Variants in AGBL1 observed in about 807,000 individuals in gnomAD.
AGBL1 encodes the protein cytosolic carboxypeptidase 4.
In AGBL1, 130 loss-of-function variants were observed where a neutral mutation model predicts 118.9. The ratio of observed to expected loss-of-function variants is 1.09; its 90% CI spans 0.95 to 1.26. AGBL1 has a LOEUF of 1.26. Among genes scored for constraint, AGBL1 ranks in the 50% most tolerant of loss-of-function variants. The probability of loss-of-function intolerance (pLI) is 0.00; values close to 1 mark genes in which losing one functional copy is unlikely to be tolerated. For missense variants in AGBL1, 1,584 were observed against 1,298.1 expected, an observed-to-expected ratio of 1.22 and a Z score of -3.38; for synonymous variants, 555 against 478.9, an observed-to-expected ratio of 1.16 and a Z score of -2.08.
At chr15:86,572,992 G>A (rs2084032765) in intron 21 of AGBL1, among the ~76,000 whole-genome samples, 1 of 152,188 alleles carries the variant, frequency 6.6e-6, no homozygotes, top group Non-Finnish European at 1.5e-5. Flanking sequence ...CTGTTTATAT[G>A]CTTGTGTTCC....
chr15:86,226,191 A>G (rs1293537573), intron 6 of AGBL1, among the ~76,000 whole-genome samples: 1 of 152,110 alleles, frequency 6.6e-6, no homozygotes, highest in Non-Finnish European at 1.5e-5. Context: ...TGGGGAGAGG[A>G]CCATTCATTC....
At chr15:86,734,364 T>C (rs1320022147) in intron 22 of AGBL1, among the ~76,000 whole-genome samples, 1 of 152,092 alleles carries the variant, frequency 6.6e-6, no homozygotes, top group Non-Finnish European at 1.5e-5. Flanking sequence ...GGAAGAAGTA[T>C]GGCATGACAG....
At chr15:86,539,335 C>G (rs1269691785) in intron 19 of AGBL1, among the ~76,000 whole-genome samples, 2 of 152,182 alleles carry the variant, frequency 1.3e-5, no homozygotes, top group Non-Finnish European at 2.9e-5. Context: ...TCCATTGTCT[C>G]TAACTCCTGT....
intron 22 of AGBL1, among the ~76,000 whole-genome samples, chr15:86,817,522 TACACACAC>T (rs145360496): frequency 1.1e-5 from 1 of 93,760 alleles, no homozygotes; most frequent in East Asian, 2.7e-4. Flanking sequence ...GAGACAGGCA[TACACACAC>T]ACACACACAC....
intron 22 of AGBL1, among the ~76,000 whole-genome samples, chr15:86,685,055 T>A (rs1185863121): frequency 6.6e-6 from 1 of 152,120 alleles, no homozygotes; most frequent in Non-Finnish European, 1.5e-5. Flanking sequence ...CAAAGAGGTA[T>A]GTTTAGAAGT....
intron 18 of AGBL1, among the ~76,000 whole-genome samples, chr15:86,438,114 G>A (rs183341880): frequency 2.6e-5 from 4 of 152,066 alleles, no homozygotes; most frequent in Admixed American, 6.5e-5. Flanking sequence ...CACCATGTTC[G>A]TCAGGTTGGT....
chr15:86,426,767 A>G (rs1276180162), intron 18 of AGBL1, among the ~76,000 whole-genome samples: 1 of 152,076 alleles, frequency 6.6e-6, no homozygotes, highest in Non-Finnish European at 1.5e-5. Flanking sequence ...TGTGTTTTGC[A>G]TTTTATTTAT....
chr15:86,622,870 C>T (rs1347278986), intron 21 of AGBL1, among the ~76,000 whole-genome samples: 1 of 152,136 alleles, frequency 6.6e-6, no homozygotes, highest in Non-Finnish European at 1.5e-5. Flanking sequence ...AGTGGGAGCC[C>T]TGAACTCATT....
chr15:87,007,879 C>A (rs1331988211), intron 24 of AGBL1, among the ~76,000 whole-genome samples: 1 of 152,202 alleles, frequency 6.6e-6, no homozygotes, highest in East Asian at 1.9e-4. Context: ...TTCCTTGTAA[C>A]AACCTGCCAT....
At chr15:86,561,327 T>C (rs2083816970) in intron 21 of AGBL1, among the ~76,000 whole-genome samples, 1 of 152,230 alleles carries the variant, frequency 6.6e-6, no homozygotes, top group Non-Finnish European at 1.5e-5. Context: ...CTTGAATGAA[T>C]TTTTATATAA....
At chr15:86,134,458 C>T (rs2076858408) in intron 1 of AGBL1, among the ~76,000 whole-genome samples, 1 of 152,068 alleles carries the variant, frequency 6.6e-6, no homozygotes, top group Non-Finnish European at 1.5e-5. Context: ...TCTGTGAGAT[C>T]AGGGGCACTA....
rs2084704949 is a variant in AGBL1, at chr15:86,615,229, G to A, written c.2995-59044G>A. On this transcript the variant is annotated intron_variant, in intron 21 of 22. Transcript: ENST00000614907. The surrounding 1 kb of genome is among the most constrained non-coding windows in gnomAD (Gnocchi z 4.3). ...AATGCGGGAGATTAATTCTAGCATT[G>A]GAAGTAGAGTAGAGGGCCAGGGAGA... is the stretch of plus-strand genomic sequence containing the variant. Among the ~76,000 whole-genome samples the A allele has an allele frequency of 6.6e-6, 1 of 152,136 alleles. No individual in the cohort carries two copies. The highest frequency in any genetic ancestry group is 2.4e-5 in the African/African-American group (1 of 41,430).
intron 21 of AGBL1, among the ~76,000 whole-genome samples, chr15:86,653,782 C>T (rs1272864464): frequency 6.6e-6 from 1 of 152,112 alleles, no homozygotes; most frequent in Non-Finnish European, 1.5e-5. Context: ...TGCTCAATAG[C>T]TGCAGAGAAA....
At chr15:86,286,783 T>C (rs1300014634) in intron 16 of AGBL1, among the ~76,000 whole-genome samples, 1 of 128,366 alleles carries the variant, frequency 7.8e-6, no homozygotes, top group Admixed American at 8.0e-5. Context: ...GTCGTTTCCA[T>C]ATCTTGGCTC....
At chr15:86,391,403 T>A (rs2081282528) in intron 17 of AGBL1, among the ~76,000 whole-genome samples, 1 of 152,086 alleles carries the variant, frequency 6.6e-6, no homozygotes, top group Non-Finnish European at 1.5e-5. Flanking sequence ...TTTCTCAGAA[T>A]CTTTCCACTT....
At chr15:86,940,219 T>C (rs1435877441) in intron 23 of AGBL1, among the ~76,000 whole-genome samples, 3 of 152,020 alleles carry the variant, frequency 2.0e-5, no homozygotes, top group South Asian at 4.1e-4. Context: ...CTGTTTCTAA[T>C]GGAGCCCTTT....
intron 19 of AGBL1, among the ~76,000 whole-genome samples, chr15:86,541,786 AT>A (rs904207641): frequency 7.2e-5 from 11 of 151,982 alleles, no homozygotes; most frequent in East Asian, 3.9e-4. Context: ...GACTGAGCCA[AT>A]TTTTTTCAAG....
chr15:86,350,199 T>A (rs1429729770), intron 17 of AGBL1, among the ~76,000 whole-genome samples: 1 of 152,228 alleles, frequency 6.6e-6, no homozygotes, highest in Non-Finnish European at 1.5e-5. Context: ...ATTTTCTCTT[T>A]AATTTTTAGG....
chr15:86,245,779 T>C (rs2141987592), intron 6 of AGBL1, among the ~76,000 whole-genome samples: 1 of 152,360 alleles, frequency 6.6e-6, no homozygotes, highest in Non-Finnish European at 1.5e-5. Context: ...GAACTTTACC[T>C]GAACATTTTC....
Sources: gnomAD v4.1 joint callset for allele counts (sites outside exome capture counted in the v4.1 genomes callset) on GRCh38, gnomAD v4.1.1 for gene constraint, Gnocchi (gnomAD v3.1) non-coding constraint, MANE v1.5 for transcripts, NCBI Gene and HGNC (gene_info 2026-07-23, HGNC 2026-07-21) for gene names.